Variants in PTPRN2 observed in about 807,000 individuals in gnomAD.
PTPRN2 encodes receptor-type tyrosine-protein phosphatase N2.
Under a neutral mutation model 118.8 loss-of-function variants are expected in PTPRN2, and 74 were observed. The ratio of observed to expected loss-of-function variants is 0.62; its 90% CI spans 0.52 to 0.76. The LOEUF is 0.76. Among genes scored for constraint, PTPRN2 ranks in the 30% least tolerant of loss-of-function variants. The pLI is 0.00. For synonymous variants in PTPRN2, 641 were observed against 608.0 expected (o/e 1.05, Z -0.80); for missense variants, 1,481 against 1,394.4 (o/e 1.06, Z -0.99).
In PTPRN2 at chr7:157,861,261, A is replaced by G. The variant is rs73513298; in HGVS notation, c.1788+37412T>C. 0.15 allele frequency among the ~76,000 whole-genome samples: 22,923 copies of G among 152,258 alleles called. 2,073 individuals are homozygous for G. The highest frequency in any genetic ancestry group is 0.25 in the Middle Eastern group (74 of 294). On this transcript the variant is annotated intron_variant, in intron 12 of 22. Transcript: ENST00000389418. This position sits in a 1 kb window ranked among gnomAD's most constrained non-coding sequence, Gnocchi z 5.8. ...CTTTTACATACGTGAAGTCTATACA[A>G]TAATGGAACCGAAGCCCTCTGTGGG...
At chr7:158,345,522 G>C (rs1807444090) in intron 2 of PTPRN2, among the ~76,000 whole-genome samples, 1 of 152,054 alleles carries the variant, frequency 6.6e-6, no homozygotes, top group Non-Finnish European at 1.5e-5. Context: ...AGGAGACAGG[G>C]TCTTCCACCC....
At position 158,167,177 on chromosome 7, in the gene PTPRN2, C is replaced by A. The variant is rs746827694; in HGVS notation, c.664G>T (p.Gly222Cys). The change falls in exon 6 of 23, where the codon GGC (glycine) becomes TGC (cysteine). Residue 222 changes from glycine (G) to cysteine (C), a missense_variant. By Grantham distance (159) the Gly-to-Cys change is radical. This residue lies in a region of PTPRN2 where 1,115 missense variants were observed against 994.2 expected (regional missense o/e 1.12). Coordinates refer to ENST00000389418, the MANE Select transcript of PTPRN2 (RefSeq NM_002847.5). The stretch of plus-strand genomic sequence containing the variant: ...CTGAGCTCATCTGGCTGGAGCTGGC[C>A]GAGGGTCCGCGGCAGGAGGTCCTCG... ...LREDLLPRTL[G>C]QLQPDELSPK... The A allele has an allele frequency of 4.3e-6, 7 of 1,613,772 alleles. No homozygotes were observed. Among genetic ancestry groups the A allele is most frequent in the Non-Finnish European group, 5.9e-6 (7 of 1,179,970 alleles).
rs535882697 is a variant in PTPRN2, at chr7:158,343,632, C to T, written c.164-26700G>A. ...GCACATGGGCTGTCGCGACTGCTCC[C>T]GGTGGAATCAGCCCCATTTCTGATT... On this transcript the variant is annotated intron_variant, in intron 2 of 22. Coordinates refer to ENST00000389418, the MANE Select transcript of PTPRN2 (RefSeq NM_002847.5). Among the ~76,000 whole-genome samples the T allele has an allele frequency of 1.1e-4, 16 of 148,536 alleles. 1 individual carries two copies. In the East Asian group the frequency reaches 1.4e-3, roughly 13 times the overall value.
chr7:158,392,877 A>G (rs895502910), intron 2 of PTPRN2, among the ~76,000 whole-genome samples: 2 of 152,108 alleles, frequency 1.3e-5, no homozygotes, highest in African/African-American at 4.8e-5. Context: ...CTCTCGGTAG[A>G]ATTTTAGAAA....
At chr7:158,416,577 C>T (rs749354608) in intron 2 of PTPRN2, among the ~76,000 whole-genome samples, 32 of 152,116 alleles carry the variant, frequency 2.1e-4, no homozygotes, top group Non-Finnish European at 3.2e-4. Flanking sequence ...AACAACATTT[C>T]GCAGAAGTGA....
intron 12 of PTPRN2, among the ~76,000 whole-genome samples, chr7:157,821,343 A>G (rs575877076): frequency 2.4e-4 from 37 of 152,336 alleles, no homozygotes; most frequent in Non-Finnish European, 3.5e-4. Flanking sequence ...TTCAGGGTCA[A>G]TTCACTCCAT....
At chr7:158,472,422 G>A (rs1386795508) in intron 2 of PTPRN2, among the ~76,000 whole-genome samples, 2 of 152,196 alleles carry the variant, frequency 1.3e-5, no homozygotes, top group Non-Finnish European at 2.9e-5. Flanking sequence ...CAGTGACGGT[G>A]CAGAAATCTA....
chr7:158,209,517 T>C lies in PTPRN2; in HGVS notation c.278-4244A>G, dbSNP rs117149321. 2.8e-3 allele frequency among the ~76,000 whole-genome samples: 433 copies of C among 152,320 alleles called. 8 individuals carry two copies. The East Asian group carries it at 0.035, about 12-fold the overall frequency. ...GACATAACAATTGTAAATATATATG[T>C]ACCCAACACTGGAGCATCCAGATAT... On this transcript the variant is annotated intron_variant, in intron 3 of 22. Coordinates refer to ENST00000389418, the MANE Select transcript of PTPRN2 (RefSeq NM_002847.5).
chr7:158,033,831 C>T (rs1261479016), intron 11 of PTPRN2, among the ~76,000 whole-genome samples: 1 of 148,300 alleles, frequency 6.7e-6, no homozygotes, highest in Non-Finnish European at 1.5e-5. Context: ...ATAGAAACTG[C>T]ACACTGAGGC....
At chr7:158,250,553 C>T (rs910332186) in intron 3 of PTPRN2, among the ~76,000 whole-genome samples, 3 of 151,956 alleles carry the variant, frequency 2.0e-5, no homozygotes, top group Non-Finnish European at 2.9e-5. Flanking sequence ...CATACATATG[C>T]ACACACACAC....
At chr7:158,137,102 AC>A (rs1818893877) in intron 7 of PTPRN2, among the ~76,000 whole-genome samples, 1 of 152,188 alleles carries the variant, frequency 6.6e-6, no homozygotes, top group Admixed American at 6.5e-5. Flanking sequence ...AGGTTATTTC[AC>A]TGTGGTCAGC....
At chr7:158,041,393 C>T (rs527642541) in intron 11 of PTPRN2, among the ~76,000 whole-genome samples, 2 of 152,226 alleles carry the variant, frequency 1.3e-5, no homozygotes, top group African/African-American at 2.4e-5. Context: ...ATCCCAGCAC[C>T]TTGGGAGGCT....
chr7:158,332,652 T>G (rs1362632545), intron 2 of PTPRN2, among the ~76,000 whole-genome samples: 10 of 146,708 alleles, frequency 6.8e-5, no homozygotes, highest in South Asian at 4.2e-4. Context: ...CCATAAGAGC[T>G]GATGCCTGCA....
At position 157,587,360 on chromosome 7, in the gene PTPRN2, T is replaced by G. The variant is rs1422273264; in HGVS notation, c.2496+7878A>C. 6.6e-6 allele frequency among the ~76,000 whole-genome samples: 1 copy of G among 152,154 alleles called. No individual in the cohort carries two copies. Among genetic ancestry groups the G allele is most frequent in the African/African-American group, 2.4e-5 (1 of 41,432 alleles). On this transcript the variant is annotated intron_variant, in intron 17 of 22. Transcript: ENST00000389418. The surrounding 1 kb of genome is among the most constrained non-coding windows in gnomAD (Gnocchi z 5.3). ...CTGTCAACTGTCATTCTCCTGCACCTCGGCCTTGTCACCGGTGGCTGGCAG... is the reference window on the plus strand; with the variant it reads ...CTGTCAACTGTCATTCTCCTGCACCGCGGCCTTGTCACCGGTGGCTGGCAG...
At chr7:158,503,573 G>C (rs1007340430) in intron 1 of PTPRN2, among the ~76,000 whole-genome samples, 13 of 152,244 alleles carry the variant, frequency 8.5e-5, no homozygotes, top group Admixed American at 4.6e-4. Flanking sequence ...GGACTTGGAA[G>C]TAACAGTACC....
chr7:158,051,328 G>T (rs900195315), intron 11 of PTPRN2, among the ~76,000 whole-genome samples: 2 of 152,166 alleles, frequency 1.3e-5, no homozygotes, highest in Non-Finnish European at 1.5e-5. Flanking sequence ...GCTATTATGG[G>T]ACTGTGGGGA....
chr7:157,693,496 C>T (rs951846937), intron 12 of PTPRN2, among the ~76,000 whole-genome samples: 3 of 152,236 alleles, frequency 2.0e-5, no homozygotes, highest in African/African-American at 4.8e-5. Context: ...GCCCTCGCTG[C>T]CCCGACCCTC....
chr7:157,803,536 G>A (rs967501253), intron 12 of PTPRN2, among the ~76,000 whole-genome samples: 19 of 152,138 alleles, frequency 1.2e-4, no homozygotes, highest in Admixed American at 2.6e-4. Flanking sequence ...TGCTTCCCCC[G>A]TGTTTTCTTC....
At chr7:157,926,818 G>A (rs1368275267) in intron 11 of PTPRN2, among the ~76,000 whole-genome samples, 2 of 152,222 alleles carry the variant, frequency 1.3e-5, no homozygotes, top group Non-Finnish European at 2.9e-5. Context: ...CCCCACTGCT[G>A]TTGGGTAAGA....
Sources: allele counts gnomAD v4.1 joint callset (sites outside exome capture counted in the v4.1 genomes callset), GRCh38; gene constraint gnomAD v4.1.1; regional missense constraint gnomAD v4.1.1; non-coding constraint Gnocchi (gnomAD v3.1); transcripts MANE v1.5; gene names NCBI Gene and HGNC (gene_info 2026-07-23, HGNC 2026-07-21).